PPP1R12B: variants seen among roughly 807,000 people sequenced by gnomAD.
The protein encoded by PPP1R12B is protein phosphatase 1 regulatory subunit 12B, also known as myosin phosphatase target subunit 2.
Under a neutral mutation model 126.1 loss-of-function variants are expected in PPP1R12B, and 76 were observed. The observed-to-expected ratio is 0.60, with a 90% CI of 0.50 to 0.73. The LOEUF is 0.73. Ranked by LOEUF, PPP1R12B falls within the 30% of genes least tolerant of loss-of-function variation. PPP1R12B has a pLI of 0.00. For synonymous variants in PPP1R12B, 356 were observed against 434.7 expected, an observed-to-expected ratio of 0.82 and a Z score of 2.25; for missense variants, 1,052 against 1,205.1, an observed-to-expected ratio of 0.87 and a Z score of 1.88.
At chr1:202,467,555 C>T (rs1261816031) in intron 13 of PPP1R12B, among the ~76,000 whole-genome samples, 2 of 152,180 alleles carry the variant, frequency 1.3e-5, no homozygotes, top group South Asian at 2.1e-4. Flanking sequence ...GACATGAACT[C>T]ATCCTTTTTA....
At chr1:202,488,480 C>A in intron 13 of PPP1R12B, 53 bp from the exon 14 acceptor site, 1 of 1,343,552 alleles carries the variant, frequency 7.4e-7, no homozygotes, top group South Asian at 1.3e-5. Flanking sequence ...TGTCATTCCT[C>A]AAGTATATGC....
intron 14 of PPP1R12B, among the ~76,000 whole-genome samples, chr1:202,492,097 C>T (rs1437168991): frequency 6.6e-6 from 1 of 152,160 alleles, no homozygotes. Flanking sequence ...TTTTCTCCCT[C>T]CCCCTACCCA....
chr1:202,544,033 C>T (rs892346627), intron 18 of PPP1R12B, among the ~76,000 whole-genome samples: 21 of 152,078 alleles, frequency 1.4e-4, no homozygotes, highest in African/African-American at 3.6e-4. Flanking sequence ...TCAGGAAAAG[C>T]GGAAAAACTT....
intron 1 of PPP1R12B, among the ~76,000 whole-genome samples, chr1:202,390,694 T>C (rs1326683896): frequency 2.7e-5 from 4 of 150,694 alleles, no homozygotes; most frequent in Admixed American, 6.7e-5. Context: ...TGGGTTTTGC[T>C]ATGGAGCCCA....
intron 1 of PPP1R12B, among the ~76,000 whole-genome samples, chr1:202,371,686 G>C (rs1660286990): frequency 6.6e-6 from 1 of 151,906 alleles, no homozygotes; most frequent in African/African-American, 2.4e-5. Flanking sequence ...ATTTAGAAGT[G>C]ATTTAAGATT....
intron 6 of PPP1R12B, among the ~76,000 whole-genome samples, chr1:202,430,065 A>G (rs898209058): frequency 1.3e-5 from 2 of 152,202 alleles, no homozygotes; most frequent in African/African-American, 2.4e-5. Context: ...TCCTGATTAT[A>G]AGTTGTATAC....
chr1:202,531,737 T>A (rs999880994), intron 18 of PPP1R12B, among the ~76,000 whole-genome samples: 4 of 152,142 alleles, frequency 2.6e-5, no homozygotes, highest in African/African-American at 9.7e-5. Flanking sequence ...CTCAGAAGTT[T>A]ATAAACTAAC....
At chr1:202,564,355 TG>T in intron 20 of PPP1R12B, 87 bp from the exon 21 acceptor site, 1 of 931,430 alleles carries the variant, frequency 1.1e-6, no homozygotes. Context: ...AGTGGTGGCT[TG>T]GGGCACAGAG....
At chr1:202,423,970 C>T (rs978442221) in intron 3 of PPP1R12B, among the ~76,000 whole-genome samples, 24 of 152,294 alleles carry the variant, frequency 1.6e-4, no homozygotes, top group Non-Finnish European at 2.6e-4. Context: ...AAGGTGTGAG[C>T]TATAGCGCCT....
At chr1:202,354,560 CCT>C (rs1289000346) in intron 1 of PPP1R12B, among the ~76,000 whole-genome samples, 1 of 151,968 alleles carries the variant, frequency 6.6e-6, no homozygotes, top group Non-Finnish European at 1.5e-5. Context: ...AGAGTGACAC[CCT>C]GTGTCTATAA....
At chr1:202,388,751 A>T (rs1235954212) in intron 1 of PPP1R12B, among the ~76,000 whole-genome samples, 1 of 152,170 alleles carries the variant, frequency 6.6e-6, no homozygotes, top group Non-Finnish European at 1.5e-5. Context: ...TATAAAATCC[A>T]TGTAACTCTA....
chr1:202,369,668 G>C (rs1375540405), intron 1 of PPP1R12B: 1 of 190,514 alleles, frequency 5.2e-6, no homozygotes, highest in South Asian at 1.2e-4. Context: ...CTCTCCTCAG[G>C]TGATGCCTTT....
intron 15 of PPP1R12B, among the ~76,000 whole-genome samples, chr1:202,494,792 G>A (rs1679336328): frequency 6.6e-6 from 1 of 152,040 alleles, no homozygotes; most frequent in Non-Finnish European, 1.5e-5. Context: ...GAAAGTTTCA[G>A]TAAGCCTGGT....
chr1:202,438,371 G>A (rs1258854263), intron 10 of PPP1R12B: 2 of 803,400 alleles, frequency 2.5e-6, no homozygotes, highest in African/African-American at 1.8e-5. Context: ...GGATCCAGAG[G>A]GCCAATTCCC....
chr1:202,502,659 G>A lies in PPP1R12B; in HGVS notation c.2490+5837G>A, dbSNP rs552493101. On this transcript the variant is annotated intron_variant, in intron 18 of 23. Transcript: ENST00000608999. ...TAAATACTATGTTAAAAGGTGATAC[G>A]TGCTATGGAAAAACCATATAGAGTA... The A allele has an allele frequency of 1.4e-4, 29 of 205,934 alleles. No individual in the cohort carries two copies. In the South Asian group the frequency reaches 4.3e-3, roughly 30 times the overall value. The allele number at this position is 205,934 out of a possible 1,614,324, so 12.8% of individuals were successfully genotyped here. A position where few individuals can be genotyped will look rare whatever the true frequency, so the allele number is the denominator to read the frequency against.
chr1:202,436,848 A>AGTTTTTTTTTT (rs1233214586), intron 9 of PPP1R12B, among the ~76,000 whole-genome samples: 4 of 151,638 alleles, frequency 2.6e-5, no homozygotes, highest in Non-Finnish European at 5.9e-5. Context: ...TTTGACCTCT[A>AGTTTTTTTTTT]GTTTTTTTTT....
At chr1:202,370,116 ACT>A (rs1558140657) in intron 1 of PPP1R12B, 1 of 243,356 alleles carries the variant, frequency 4.1e-6, no homozygotes, top group East Asian at 1.5e-4. Context: ...TCTGAACAAA[ACT>A]CTTCTTGCCT....
chr1:202,549,766 C>T (rs1686122845), intron 18 of PPP1R12B, among the ~76,000 whole-genome samples: 1 of 152,106 alleles, frequency 6.6e-6, no homozygotes, highest in Non-Finnish European at 1.5e-5. Flanking sequence ...ATTTTACCTC[C>T]TCAGAGAAGA....
intron 22 of PPP1R12B, among the ~76,000 whole-genome samples, chr1:202,568,468 TC>T (rs1688267697): frequency 6.6e-6 from 1 of 152,188 alleles, no homozygotes; most frequent in South Asian, 2.1e-4. Context: ...TATAATATGT[TC>T]CCATCTGTCC....
Sources: allele counts gnomAD v4.1 joint callset (sites outside exome capture counted in the v4.1 genomes callset), GRCh38; gene constraint gnomAD v4.1.1; transcripts MANE v1.5; gene names NCBI Gene and HGNC (gene_info 2026-07-23, HGNC 2026-07-21).